The following FGGY variants were observed in gnomAD, a reference collection of about 807,000 sequenced individuals.
FGGY encodes the protein FGGY carbohydrate kinase domain containing.
A neutral mutation model predicts 71.3 loss-of-function variants in FGGY; 72 were observed. The observed-to-expected ratio is 1.01, with a 90% CI of 0.84 to 1.23. The LOEUF is 1.23. Ranked by LOEUF, FGGY falls within the 50% of genes most tolerant of loss-of-function variation. The probability of loss-of-function intolerance (pLI) is 0.00; values close to 1 mark genes in which losing one functional copy is unlikely to be tolerated. For synonymous variants in FGGY, 251 were observed against 250.3 expected (o/e 1.00, Z -0.02); for missense variants, 668 against 682.3 (o/e 0.98, Z 0.23).
rs1271412397 is a variant in FGGY, at chr1:59,297,109, T to C, written c.-56T>C. 6.6e-6 allele frequency: 1 copy of C among 152,670 alleles called. No individual in the cohort carries two copies. Among genetic ancestry groups the C allele is most frequent in the East Asian group, 1.9e-4 (1 of 5,164 alleles). 9.5% of individuals were successfully genotyped at this position (152,670 alleles called of 1,614,324 possible). ...GCTTAGTCTCACACCCGCCGGGCCG[T>C]TGTTCCCGAGACGTTGTTGAGTCCC... On this transcript the variant is annotated 5_prime_UTR_variant, in exon 1 of 16. Coordinates refer to ENST00000303721, the MANE Select transcript of FGGY (RefSeq NM_018291.5).
At chr1:59,589,760 C>T (rs1400043555) in intron 8 of FGGY, among the ~76,000 whole-genome samples, 1 of 151,998 alleles carries the variant, frequency 6.6e-6, no homozygotes, top group Non-Finnish European at 1.5e-5. Flanking sequence ...ACACAACATA[C>T]CAGAATCTCT....
At chr1:59,556,731 G>A (rs943393481) in intron 8 of FGGY, among the ~76,000 whole-genome samples, 14 of 152,152 alleles carry the variant, frequency 9.2e-5, no homozygotes, top group African/African-American at 4.8e-5. Context: ...GGGTTGTTGA[G>A]TAACATGCAT....
chr1:59,419,318 T>C (rs1571915587), intron 5 of FGGY, among the ~76,000 whole-genome samples: 2 of 152,226 alleles, frequency 1.3e-5, no homozygotes, highest in South Asian at 2.1e-4. Context: ...TTAAGCTTTG[T>C]ATTTTGTATT....
intron 7 of FGGY, among the ~76,000 whole-genome samples, chr1:59,549,425 C>CA (rs1465758394): frequency 1.3e-5 from 2 of 152,226 alleles, no homozygotes; most frequent in East Asian, 3.8e-4. Context: ...GCCAACACAT[C>CA]AGACTCAAAG....
At chr1:59,655,528 T>A (rs775141642) in intron 11 of FGGY, among the ~76,000 whole-genome samples, 10 of 151,482 alleles carry the variant, frequency 6.6e-5, no homozygotes, top group Non-Finnish European at 1.0e-4. Context: ...ACATGTGGTG[T>A]TTGGTTTTCT....
intron 5 of FGGY, among the ~76,000 whole-genome samples, chr1:59,428,609 C>G (rs1214405167): frequency 6.6e-6 from 1 of 152,224 alleles, no homozygotes; most frequent in Non-Finnish European, 1.5e-5. Flanking sequence ...GTCAGTTTGT[C>G]TAACTCTGTC....
intron 4 of FGGY, among the ~76,000 whole-genome samples, chr1:59,360,165 G>T (rs930981209): frequency 8.0e-5 from 9 of 112,756 alleles, no homozygotes; most frequent in African/African-American, 2.4e-4. Context: ...TTTCACCACT[G>T]ATTAGTGAAA....
At chr1:59,514,676 C>A (rs1263625841) in intron 7 of FGGY, among the ~76,000 whole-genome samples, 1 of 152,162 alleles carries the variant, frequency 6.6e-6, no homozygotes, top group African/African-American at 2.4e-5. Flanking sequence ...CCATGCTATT[C>A]TCGTGATAGT....
At chr1:59,644,414 T>C (rs1245605820) in intron 11 of FGGY, among the ~76,000 whole-genome samples, 1 of 151,784 alleles carries the variant, frequency 6.6e-6, no homozygotes, top group Non-Finnish European at 1.5e-5. Flanking sequence ...GTGGAGGAGG[T>C]GGGGGATGAG....
In FGGY at chr1:59,346,947, C is replaced by CTTT. The variant is rs71580898; in HGVS notation, c.465+568_465+570dup. On this transcript the variant is annotated intron_variant, in intron 4 of 15. Coordinates refer to ENST00000303721, the MANE Select transcript of FGGY (RefSeq NM_018291.5). ...TGTGCCCGGCCATCCAAAATCAATT[C>CTTT]TTTTTTTTTTTTTTTTTTTTTAAGT... Among the ~76,000 whole-genome samples, 149 of 112,168 alleles carry CTTT rather than the reference C, an allele frequency of 1.3e-3. 3 individuals are homozygous for CTTT. The highest frequency in any genetic ancestry group is 4.5e-3 in the African/African-American group (138 of 30,382). The allele number at this position is 112,168 out of a possible 152,430, so 73.6% of individuals were successfully genotyped here.
intron 9 of FGGY, among the ~76,000 whole-genome samples, chr1:59,610,874 C>T (rs182911615): frequency 6.6e-6 from 1 of 152,264 alleles, no homozygotes; most frequent in African/African-American, 2.4e-5. Flanking sequence ...TATCCTGCGC[C>T]TGGCTCAGAG....
chr1:59,720,336 A>G (rs1413673744), intron 14 of FGGY, among the ~76,000 whole-genome samples: 2 of 152,210 alleles, frequency 1.3e-5, no homozygotes, highest in African/African-American at 4.8e-5. Flanking sequence ...AGGGGGAAAA[A>G]AAGGTCCTTC....
intron 8 of FGGY, among the ~76,000 whole-genome samples, chr1:59,589,942 C>A (rs891181747): frequency 6.6e-6 from 1 of 151,916 alleles, no homozygotes; most frequent in African/African-American, 2.4e-5. Context: ...AAAATCACAG[C>A]AGAACTGAAG....
chr1:59,647,330 G>A (rs1176817839), intron 11 of FGGY, among the ~76,000 whole-genome samples: 2 of 152,222 alleles, frequency 1.3e-5, no homozygotes, highest in Non-Finnish European at 2.9e-5. Flanking sequence ...CAAACAAGGT[G>A]TGAAGGGCCT....
intron 1 of FGGY, among the ~76,000 whole-genome samples, chr1:59,305,936 C>T (rs565547306): frequency 6.6e-6 from 1 of 152,334 alleles, no homozygotes; most frequent in South Asian, 2.1e-4. Flanking sequence ...TTGTTCTCCA[C>T]AGACTTTCAG....
intron 5 of FGGY, among the ~76,000 whole-genome samples, chr1:59,418,957 A>T (rs1217426060): frequency 6.6e-6 from 1 of 152,170 alleles, no homozygotes; most frequent in Non-Finnish European, 1.5e-5. Context: ...AATACATAGA[A>T]AAGTATGGAA....
At chr1:59,307,677 A>G (rs531692917) in intron 1 of FGGY, among the ~76,000 whole-genome samples, 1 of 152,300 alleles carries the variant, frequency 6.6e-6, no homozygotes, top group South Asian at 2.1e-4. Flanking sequence ...CTCAAAATAT[A>G]AGTAAGTCTA....
At chr1:59,677,942 G>A (rs2097453026) in intron 14 of FGGY, among the ~76,000 whole-genome samples, 1 of 151,822 alleles carries the variant, frequency 6.6e-6, no homozygotes, top group African/African-American at 2.4e-5. Context: ...GTCAAATTCG[G>A]ATCTCACAAA....
At chr1:59,507,475 T>A (rs2094416031) in intron 6 of FGGY, among the ~76,000 whole-genome samples, 1 of 152,160 alleles carries the variant, frequency 6.6e-6, no homozygotes, top group Admixed American at 6.5e-5. Context: ...ATAAAAATTA[T>A]TCCCCAAGCT....
Sources: allele counts gnomAD v4.1 joint callset (sites outside exome capture counted in the v4.1 genomes callset), GRCh38; gene constraint gnomAD v4.1.1; transcripts MANE v1.5; gene names NCBI Gene and HGNC (gene_info 2026-07-23, HGNC 2026-07-21).